Variants in ABCB5 observed in about 807,000 individuals in gnomAD.
The protein encoded by ABCB5 is ATP-binding cassette sub-family B member 5.
ABCB5 carries 155 observed loss-of-function variants against 144.2 expected under a neutral mutation model. The ratio of observed to expected loss-of-function variants is 1.08; its 90% CI spans 0.94 to 1.23. The LOEUF (loss-of-function observed/expected upper bound fraction) is 1.23, where lower values mean the gene tolerates loss of function less well. ABCB5 is among the 50% of genes most tolerant of loss of function. ABCB5 has a pLI of 0.00. For synonymous variants in ABCB5, 610 were observed against 528.6 expected (o/e 1.15, Z -2.11); for missense variants, 1,830 against 1,520.8 (o/e 1.20, Z -3.38).
intron 3 of ABCB5, 63 bp from the exon 4 acceptor site, chr7:20,628,625 G>T (rs953457146): frequency 1.9e-6 from 3 of 1,543,034 alleles, no homozygotes; most frequent in Non-Finnish European, 2.6e-6. Context: ...GTGTGTGTGT[G>T]TGTGTGCTTG....
intron 5 of ABCB5, among the ~76,000 whole-genome samples, chr7:20,634,729 A>G (rs904833521): frequency 1.3e-5 from 2 of 151,988 alleles, no homozygotes; most frequent in Non-Finnish European, 2.9e-5. Context: ...TCTTTTGCCC[A>G]CTTTTTAATG....
chr7:20,726,631 T>C (rs758163786), intron 21 of ABCB5, among the ~76,000 whole-genome samples: 4 of 152,172 alleles, frequency 2.6e-5, no homozygotes, highest in Non-Finnish European at 4.4e-5. Context: ...CCTCCCAAAG[T>C]ACTGGGATTA....
At chr7:20,666,556 T>A (rs998551241) in intron 14 of ABCB5, among the ~76,000 whole-genome samples, 2 of 152,170 alleles carry the variant, frequency 1.3e-5, no homozygotes, top group Non-Finnish European at 1.5e-5. Context: ...TTTTTCAAAG[T>A]CCAAAATAAT....
intron 9 of ABCB5, among the ~76,000 whole-genome samples, chr7:20,647,038 A>G (rs1322270873): frequency 1.3e-5 from 2 of 152,186 alleles, no homozygotes; most frequent in Admixed American, 6.6e-5. Context: ...TTTTGCAGAG[A>G]TGAGTCTGTC....
intron 19 of ABCB5, among the ~76,000 whole-genome samples, chr7:20,700,980 C>A (rs889340872): frequency 6.6e-6 from 1 of 152,122 alleles, no homozygotes; most frequent in African/African-American, 2.4e-5. Context: ...TGAAGGCTGC[C>A]GTGCAACAGC....
chr7:20,753,531 G>C (rs1351789215), intron 27 of ABCB5, 25 bp downstream of exon 27: 1 of 1,602,844 alleles, frequency 6.2e-7, no homozygotes, highest in Non-Finnish European at 8.5e-7. Context: ...TTTTATCTCA[G>C]AATATAATAC....
rs865792986 is a variant in ABCB5 at position 20,709,744 on chromosome 7, C to T, written c.2421+4937C>T. ...CTCTAGCAGCTACCATCACTATAAC[C>T]TAAGACAGCCTAAACAATAGGTAAA... On this transcript the variant is annotated intron_variant, in intron 20 of 27. Coordinates refer to ENST00000404938, the MANE Select transcript of ABCB5 (RefSeq NM_001163941.2). 3.0e-4 allele frequency among the ~76,000 whole-genome samples: 45 copies of T among 149,784 alleles called. 6 individuals carry two copies. Among genetic ancestry groups the T allele is most frequent in the Middle Eastern group, 3.2e-3 (1 of 314 alleles).
intron 14 of ABCB5, chr7:20,659,180 G>A: frequency 6.2e-7 from 1 of 1,612,154 alleles, no homozygotes; most frequent in Non-Finnish European, 8.5e-7. Flanking sequence ...ACCTCCTGCT[G>A]CCTATGAGCT....
intron 14 of ABCB5, among the ~76,000 whole-genome samples, chr7:20,671,021 TAAAG>T (rs111363721): frequency 0.11 from 17,316 of 152,136 alleles, 1,025 homozygotes; most frequent in Non-Finnish European, 0.13. Flanking sequence ...TATCAGAAAA[TAAAG>T]AAAGCACTAA....
At chr7:20,729,646 T>C (rs545090686) in intron 23 of ABCB5, among the ~76,000 whole-genome samples, 51 of 152,324 alleles carry the variant, frequency 3.3e-4, no homozygotes, top group Admixed American at 1.2e-3. Flanking sequence ...ATATCAGAAA[T>C]GTTGCTAATC....
chr7:20,675,999 T>C (rs2128037282), intron 14 of ABCB5, among the ~76,000 whole-genome samples: 1 of 150,974 alleles, frequency 6.6e-6, no homozygotes, highest in Non-Finnish European at 1.5e-5. Context: ...ATGACTATTG[T>C]TAAAAAATAA....
intron 23 of ABCB5, among the ~76,000 whole-genome samples, chr7:20,730,917 T>A (rs1782188483): frequency 6.6e-6 from 1 of 152,184 alleles, no homozygotes; most frequent in Non-Finnish European, 1.5e-5. Flanking sequence ...GTTTTGAGTA[T>A]TAGTAGAAAG....
chr7:20,626,311 T>A (rs534992608), intron 2 of ABCB5, among the ~76,000 whole-genome samples: 1 of 152,236 alleles, frequency 6.6e-6, no homozygotes, highest in Non-Finnish European at 1.5e-5. Context: ...AGATAAAGTC[T>A]ACATTATATC....
chr7:20,669,436 C>T (rs1163622474), intron 14 of ABCB5, among the ~76,000 whole-genome samples: 1 of 139,270 alleles, frequency 7.2e-6, no homozygotes, highest in East Asian at 2.1e-4. Flanking sequence ...ATCCCCAACC[C>T]TGTGCTCTCT....
At chr7:20,717,283 A>T (rs923268766) in intron 20 of ABCB5, among the ~76,000 whole-genome samples, 1 of 151,986 alleles carries the variant, frequency 6.6e-6, no homozygotes, top group African/African-American at 2.4e-5. Flanking sequence ...ACAGACATTC[A>T]TTTCCTTACA....
chr7:20,754,415 T>A (rs1196257958), intron 27 of ABCB5, among the ~76,000 whole-genome samples: 2 of 152,254 alleles, frequency 1.3e-5, no homozygotes, highest in African/African-American at 2.4e-5. Flanking sequence ...TTACTAGCAG[T>A]ATGACCTTGG....
At chr7:20,673,721 T>C (rs1240906832) in intron 14 of ABCB5, among the ~76,000 whole-genome samples, 10 of 152,002 alleles carry the variant, frequency 6.6e-5, no homozygotes, top group Admixed American at 6.5e-4. Context: ...ACTGAAAATC[T>C]CTGACTTTTA....
In ABCB5 at chr7:20,755,963, C is replaced by G; in HGVS notation, c.*339C>G. The G allele has an allele frequency of 3.6e-6, 1 of 276,814 alleles. No individual in the cohort carries two copies. Among genetic ancestry groups the G allele is most frequent in the Non-Finnish European group, 7.0e-6 (1 of 143,256 alleles). 17.1% of individuals were successfully genotyped at this position (276,814 alleles called of 1,614,324 possible). A position where few individuals can be genotyped will look rare whatever the true frequency, so the allele number is the denominator to read the frequency against. ...AATATGTTTCCAGGGGGAATATTAT[C>G]CAATTAACCATGTTGAAGGTTTTAG... On this transcript the variant is annotated 3_prime_UTR_variant, in exon 28 of 28. Transcript: ENST00000404938.
chr7:20,629,145 C>CGTGCGTGTGT (rs1554278478), intron 4 of ABCB5, among the ~76,000 whole-genome samples: 1 of 135,058 alleles, frequency 7.4e-6, no homozygotes, highest in South Asian at 2.6e-4. Context: ...AGAGAGACTG[C>CGTGCGTGTGT]GTGTGTGTGT....
Sources: gnomAD v4.1 joint callset for allele counts (sites outside exome capture counted in the v4.1 genomes callset) on GRCh38, gnomAD v4.1.1 for gene constraint, MANE v1.5 for transcripts, NCBI Gene and HGNC (gene_info 2026-07-23, HGNC 2026-07-21) for gene names.